SYNE1: variants seen among roughly 807,000 people sequenced by gnomAD.
SYNE1 encodes spectrin repeat containing nuclear envelope protein 1.
Under a neutral mutation model 1,111.0 loss-of-function variants are expected in SYNE1, and 616 were observed. The ratio of observed to expected loss-of-function variants is 0.55; its 90% CI spans 0.52 to 0.59. SYNE1 has a LOEUF of 0.59. SYNE1 is among the 20% of genes least tolerant of loss of function. The pLI, the probability that SYNE1 is intolerant of heterozygous loss-of-function variation, is 0.00. For missense variants in SYNE1, 10,006 were observed against 10,417.0 expected (o/e 0.96, Z 1.72); for synonymous variants, 3,855 against 3,825.8 (o/e 1.01, Z -0.28).
chr6:152,180,295 C>A lies in SYNE1; in HGVS notation c.23302-1G>T. The stretch of plus-strand genomic sequence containing the variant: ...CTATTTGCTGCCGCCTTAAGGAGAG[C>A]TGAAAAGTTTAAAATGGGAGAATAG... On this transcript the variant is annotated splice_acceptor_variant, in intron 128 of 145. Coordinates refer to ENST00000367255, the MANE Select transcript of SYNE1 (RefSeq NM_182961.4). LOFTEE classifies it high-confidence loss of function. The A allele has an allele frequency of 6.2e-7, 1 of 1,613,854 alleles. No homozygotes were observed. The highest frequency in any genetic ancestry group is 8.5e-7 in the Non-Finnish European group (1 of 1,179,968).
At chr6:152,501,376 C>G (rs898962573) in intron 10 of SYNE1, among the ~76,000 whole-genome samples, 2 of 152,126 alleles carry the variant, frequency 1.3e-5, no homozygotes, top group Non-Finnish European at 2.9e-5. Flanking sequence ...TACAAGGCAA[C>G]ACGAAAAACA....
rs1176569937 is a variant in SYNE1 at position 152,558,562 on chromosome 6, A to G, written c.68-18541T>C. The stretch of plus-strand genomic sequence containing the variant: ...TGGCTATCCTTATATCGCACAATGT[A>G]GATTTTAAGTCAAACACTGTCAAAA... On this transcript the variant is annotated intron_variant, in intron 3 of 145. Coordinates refer to ENST00000367255, the MANE Select transcript of SYNE1 (RefSeq NM_182961.4). 4.6e-5 allele frequency among the ~76,000 whole-genome samples: 7 copies of G among 152,330 alleles called. No homozygotes were observed. The East Asian group carries it at 1.3e-3, about 29-fold the overall frequency.
Position 152,148,529 on chromosome 6 carries a change from G to A in SYNE1, c.24643-151C>T. The A allele has an allele frequency of 1.4e-6, 1 of 713,788 alleles. No individual in the cohort carries two copies. Among genetic ancestry groups the A allele is most frequent in the Admixed American group, 2.4e-5 (1 of 41,842 alleles). 44.2% of individuals were successfully genotyped at this position (713,788 alleles called of 1,614,324 possible). ...TCACAGAAATACAGGGGACAGTGCT[G>A]CTCTAGAGTTTGACTGTCTGGGTTG... On this transcript the variant is annotated intron_variant, in intron 136 of 145. Transcript: ENST00000367255. The surrounding 1 kb of genome is among the most constrained non-coding windows in gnomAD (Gnocchi z 4.1).
chr6:152,500,895 G>A (rs1249681867), intron 10 of SYNE1, among the ~76,000 whole-genome samples: 2 of 149,548 alleles, frequency 1.3e-5, no homozygotes, highest in Non-Finnish European at 3.0e-5. Context: ...AGCTTGCAGT[G>A]AGCCGAGATC....
At chr6:152,602,325 G>A (rs963976433) in intron 3 of SYNE1, among the ~76,000 whole-genome samples, 4 of 152,112 alleles carry the variant, frequency 2.6e-5, no homozygotes, top group Non-Finnish European at 5.9e-5. Context: ...ATACCCATAG[G>A]AAGAAAATAT....
chr6:152,309,265 C>T (rs970077868), intron 90 of SYNE1, among the ~76,000 whole-genome samples: 2 of 152,098 alleles, frequency 1.3e-5, no homozygotes, highest in African/African-American at 4.8e-5. Flanking sequence ...ACCAAATGAG[C>T]CACTAGTGAT....
intron 4 of SYNE1, among the ~76,000 whole-genome samples, chr6:152,535,572 C>T (rs2099230921): frequency 6.6e-6 from 1 of 152,098 alleles, no homozygotes; most frequent in East Asian, 1.9e-4. Context: ...GACAAGCAAT[C>T]TATTTATCTC....
At chr6:152,420,164 A>C (rs2154187615) in intron 39 of SYNE1, among the ~76,000 whole-genome samples, 1 of 152,296 alleles carries the variant, frequency 6.6e-6, no homozygotes, top group Admixed American at 6.5e-5. Context: ...TGTCATCCAT[A>C]GACAATTATT....
intron 130 of SYNE1, among the ~76,000 whole-genome samples, chr6:152,171,363 T>C (rs996017395): frequency 6.6e-6 from 1 of 152,208 alleles, no homozygotes; most frequent in Non-Finnish European, 1.5e-5. Context: ...GGTTTAGATT[T>C]GAGAAACTCA....
At chr6:152,246,989 T>C (rs2087367331) in intron 105 of SYNE1, among the ~76,000 whole-genome samples, 2 of 152,206 alleles carry the variant, frequency 1.3e-5, no homozygotes, top group African/African-American at 4.8e-5. Context: ...AAAATACACT[T>C]ATCATGTACC....
At chr6:152,301,268 C>T (rs2095153342) in intron 92 of SYNE1, among the ~76,000 whole-genome samples, 2 of 152,142 alleles carry the variant, frequency 1.3e-5, no homozygotes, top group African/African-American at 2.4e-5. Context: ...ACACACAGCA[C>T]TGGGAAACAT....
At chr6:152,282,049 G>A in intron 96 of SYNE1, 69 bp from the exon 97 acceptor site, 6 of 1,528,080 alleles carry the variant, frequency 3.9e-6, no homozygotes, top group Non-Finnish European at 5.4e-6. Flanking sequence ...ACACAGTAAA[G>A]CAATGGTTCC....
intron 141 of SYNE1, among the ~76,000 whole-genome samples, chr6:152,136,271 A>T (rs1431044182): frequency 1.3e-5 from 2 of 152,216 alleles, no homozygotes; most frequent in Non-Finnish European, 2.9e-5. Context: ...TGCAATGCTC[A>T]CTTTGATGTT....
At chr6:152,406,958 C>A in intron 45 of SYNE1, 56 bp downstream of exon 45, 2 of 1,280,484 alleles carry the variant, frequency 1.6e-6, no homozygotes, top group East Asian at 2.6e-5. Flanking sequence ...TTTTTTTTTT[C>A]ATATTCTGGT....
intron 3 of SYNE1, among the ~76,000 whole-genome samples, chr6:152,544,134 T>C (rs1022683990): frequency 6.6e-6 from 1 of 152,216 alleles, no homozygotes; most frequent in Non-Finnish European, 1.5e-5. Flanking sequence ...TTCAGACCAA[T>C]TGCAAAGGCA....
At chr6:152,303,098 C>CTTTTTTTTTTTTTTTTT (rs71017533) in intron 91 of SYNE1, among the ~76,000 whole-genome samples, 7 of 107,092 alleles carry the variant, frequency 6.5e-5, no homozygotes, top group East Asian at 2.7e-4. Context: ...AACTATTATT[C>CTTTTTTTTTTTTTTTTT]TTTTTTTTTT....
rs1196383268 is a variant in SYNE1 at position 152,628,306 on chromosome 6, C to T, written c.26G>A (p.Arg9Gln). Residue 9 changes from arginine to glutamine, a missense_variant, in exon 3 of 146, where the codon CGG (arginine) becomes CAG (glutamine). Coordinates refer to ENST00000367255, the MANE Select transcript of SYNE1 (RefSeq NM_182961.4). Reference sequence around the variant, plus strand: ...CACATTGGCGATATCCCGAGGACACCGGGAGGCCCCTCTGGAGGTTGCCAT... The same window carrying T: ...CACATTGGCGATATCCCGAGGACACTGGGAGGCCCCTCTGGAGGTTGCCAT... MATSRGAS[R>Q]CPRDIANVMQ... 7 of 1,614,024 alleles carry T rather than the reference C, an allele frequency of 4.3e-6. No individual in the cohort carries two copies. The highest frequency in any genetic ancestry group is 1.7e-5 in the Admixed American group (1 of 59,992).
At chr6:152,338,263 T>C (rs1241437484) in intron 75 of SYNE1, among the ~76,000 whole-genome samples, 6 of 152,166 alleles carry the variant, frequency 3.9e-5, no homozygotes, top group Admixed American at 3.3e-4. Flanking sequence ...TTCCTGTGAA[T>C]CATTTTACTG....
chr6:152,192,372 G>T (rs2072730812), intron 127 of SYNE1, among the ~76,000 whole-genome samples: 1 of 151,944 alleles, frequency 6.6e-6, no homozygotes, highest in Non-Finnish European at 1.5e-5. Context: ...TATTGTATTT[G>T]GGTCTAATGT....
Sources: allele counts gnomAD v4.1 joint callset (sites outside exome capture counted in the v4.1 genomes callset), GRCh38; gene constraint gnomAD v4.1.1; non-coding constraint Gnocchi (gnomAD v3.1); transcripts MANE v1.5; gene names NCBI Gene and HGNC (gene_info 2026-07-23, HGNC 2026-07-21).